The following PPARGC1A variants were observed in gnomAD, a reference collection of about 807,000 sequenced individuals.
PPARGC1A encodes the protein peroxisome proliferator-activated receptor gamma coactivator 1-alpha.
Under a neutral mutation model 88.7 loss-of-function variants are expected in PPARGC1A, and 25 were observed. The observed-to-expected ratio is 0.28, with a 90% CI of 0.21 to 0.39. The LOEUF (loss-of-function observed/expected upper bound fraction) is 0.39. Among genes scored for constraint, PPARGC1A ranks in the 10% least tolerant of loss-of-function variants. The pLI is 1.00. For synonymous variants in PPARGC1A, 363 were observed against 355.6 expected, an observed-to-expected ratio of 1.02 and a Z score of -0.24; for missense variants, 880 against 968.7, an observed-to-expected ratio of 0.91 and a Z score of 1.22.
At chr4:24,262,619 C>G in the PPARGC1A span, among the ~76,000 whole-genome samples, 1 of 152,132 alleles carries the variant, frequency 6.6e-6, no homozygotes, top group Admixed American at 6.5e-5. Context: ...TTCCAGACCC[C>G]TTTGGCTATC....
At chr4:23,994,491 G>C in the PPARGC1A span, among the ~76,000 whole-genome samples, 1 of 152,106 alleles carries the variant, frequency 6.6e-6, no homozygotes, top group Admixed American at 6.6e-5. Context: ...CTGCATATTG[G>C]GCAGAGAAGG....
rs543547657 is a variant in PPARGC1A, at chr4:23,830,076, G to C, written c.430-491C>G. On this transcript the variant is annotated intron_variant, in intron 3 of 12. Coordinates refer to ENST00000264867, the MANE Select transcript of PPARGC1A (RefSeq NM_013261.5). The stretch of plus-strand genomic sequence containing the variant: ...GAAGACATGGGAGTGGAGTGTGGGG[G>C]GTGGGGGAGAATAGATACACATTTT... 4.5e-4 allele frequency among the ~76,000 whole-genome samples: 69 copies of C among 152,086 alleles called. 1 individual carries two copies. In the South Asian group the frequency reaches 0.011, roughly 25 times the overall value.
At chr4:24,101,661 A>AATT in the PPARGC1A span, among the ~76,000 whole-genome samples, 1 of 152,340 alleles carries the variant, frequency 6.6e-6, no homozygotes, top group East Asian at 1.9e-4. Flanking sequence ...TGGATTTCAG[A>AATT]ATTCAAATTC....
chr4:23,979,107 C>T, the PPARGC1A span, among the ~76,000 whole-genome samples: 2 of 152,096 alleles, frequency 1.3e-5, no homozygotes, highest in Non-Finnish European at 2.9e-5. Context: ...GTATAAAAAT[C>T]GTTTAACTCA....
the PPARGC1A span, among the ~76,000 whole-genome samples, chr4:24,463,208 A>T: frequency 3.9e-5 from 6 of 152,222 alleles, no homozygotes; most frequent in Non-Finnish European, 8.8e-5. Flanking sequence ...ATTTCTTTGC[A>T]TATTAACTTT....
At chr4:24,236,072 A>G in the PPARGC1A span, among the ~76,000 whole-genome samples, 1 of 152,368 alleles carries the variant, frequency 6.6e-6, no homozygotes, top group African/African-American at 2.4e-5. Flanking sequence ...GGGACGGCAT[A>G]TCAACCAAAT....
At chr4:24,391,094 A>G in the PPARGC1A span, among the ~76,000 whole-genome samples, 1 of 152,158 alleles carries the variant, frequency 6.6e-6, no homozygotes, top group African/African-American at 2.4e-5. Context: ...ATTCTTACAA[A>G]AAATCTAATT....
chr4:24,190,779 T>C, the PPARGC1A span, among the ~76,000 whole-genome samples: 1 of 152,128 alleles, frequency 6.6e-6, no homozygotes, highest in Non-Finnish European at 1.5e-5. Flanking sequence ...CCTCTAGAAA[T>C]AGAGGCAAAC....
the PPARGC1A span, among the ~76,000 whole-genome samples, chr4:24,089,853 G>C: frequency 2.6e-5 from 4 of 152,174 alleles, no homozygotes; most frequent in Non-Finnish European, 5.9e-5. Flanking sequence ...AGCTAGAAGG[G>C]GGAGCTCCAG....
chr4:23,994,034 C>CCAATT, the PPARGC1A span, among the ~76,000 whole-genome samples: 1 of 152,112 alleles, frequency 6.6e-6, no homozygotes, highest in Non-Finnish European at 1.5e-5. Context: ...ATAGAAGTTT[C>CCAATT]TAGGTAATGT....
At chr4:24,426,160 A>C in the PPARGC1A span, among the ~76,000 whole-genome samples, 121 of 152,308 alleles carry the variant, frequency 7.9e-4, 1 homozygote, top group Non-Finnish European at 1.0e-3. Flanking sequence ...AGAAGAAGGT[A>C]GAGAGGTAAA....
At chr4:24,135,264 G>A in the PPARGC1A span, among the ~76,000 whole-genome samples, 1 of 152,068 alleles carries the variant, frequency 6.6e-6, no homozygotes, top group Non-Finnish European at 1.5e-5. Context: ...AGTGGCTTCA[G>A]GCATAGTTGT....
At chr4:24,276,812 G>C in the PPARGC1A span, among the ~76,000 whole-genome samples, 2 of 152,274 alleles carry the variant, frequency 1.3e-5, no homozygotes, top group African/African-American at 4.8e-5. Flanking sequence ...GCCCAAAAGG[G>C]CAAGAAAAAG....
chr4:24,329,494 T>A, the PPARGC1A span, among the ~76,000 whole-genome samples: 1 of 152,028 alleles, frequency 6.6e-6, no homozygotes, highest in Non-Finnish European at 1.5e-5. Flanking sequence ...CTGCCCCAAT[T>A]TCCTCTCCAC....
the PPARGC1A span, among the ~76,000 whole-genome samples, chr4:24,354,323 A>T: frequency 6.6e-6 from 1 of 152,306 alleles, no homozygotes; most frequent in Non-Finnish European, 1.5e-5. Flanking sequence ...CTCTTCTGCC[A>T]TGTAAGGTAA....
At chr4:24,451,702 C>T in the PPARGC1A span, among the ~76,000 whole-genome samples, 7 of 152,108 alleles carry the variant, frequency 4.6e-5, no homozygotes, top group Non-Finnish European at 8.8e-5. Flanking sequence ...TTCAGCCTCC[C>T]GAGTAGCTGG....
chr4:23,890,055 A>AACT, upstream of PPARGC1A: 1 of 1,567,022 alleles, frequency 6.4e-7, no homozygotes, highest in Non-Finnish European at 8.6e-7. Flanking sequence ...ACTGAGAGTG[A>AACT]ACTGAAGGCA....
At chr4:24,422,420 G>T in the PPARGC1A span, among the ~76,000 whole-genome samples, 2 of 152,112 alleles carry the variant, frequency 1.3e-5, no homozygotes, top group Non-Finnish European at 2.9e-5. Context: ...GCTGACAGGG[G>T]CCTCCATTTC....
At chr4:24,469,948 A>T in the PPARGC1A span, among the ~76,000 whole-genome samples, 15 of 152,118 alleles carry the variant, frequency 9.9e-5, no homozygotes, top group African/African-American at 3.6e-4. Context: ...AAACGCTCTC[A>T]AATGACTTGT....
Sources: allele counts gnomAD v4.1 joint callset (sites outside exome capture counted in the v4.1 genomes callset), GRCh38; gene constraint gnomAD v4.1.1; transcripts MANE v1.5; gene names NCBI Gene and HGNC (gene_info 2026-07-23, HGNC 2026-07-21).